Variants in NEBL observed in about 807,000 individuals in gnomAD.
NEBL encodes the protein LIM and SH3 protein 2.
A neutral mutation model predicts 140.2 loss-of-function variants in NEBL; 122 were observed. That is an observed-to-expected ratio of 0.87 (90% CI 0.75 to 1.01). The LOEUF is 1.01. Ranked by LOEUF, NEBL falls within the 50% of genes least tolerant of loss-of-function variation. The pLI is 0.00. For synonymous variants in NEBL, 436 were observed against 398.9 expected, an observed-to-expected ratio of 1.09 and a Z score of -1.11; for missense variants, 1,365 against 1,231.3, an observed-to-expected ratio of 1.11 and a Z score of -1.62.
At chr10:21,108,025 C>T (rs185300125) in intron 2 of NEBL, among the ~76,000 whole-genome samples, 3 of 152,192 alleles carry the variant, frequency 2.0e-5, no homozygotes, top group Admixed American at 2.0e-4. Flanking sequence ...TCCCCTTTAT[C>T]ATTTTTATTG....
intron 1 of NEBL, among the ~76,000 whole-genome samples, chr10:21,278,273 C>G (rs1842948903): frequency 6.6e-6 from 1 of 152,060 alleles, no homozygotes; most frequent in Non-Finnish European, 1.5e-5. Context: ...GACGCCGTCT[C>G]TACAGAATAA....
intron 2 of NEBL, among the ~76,000 whole-genome samples, chr10:21,054,504 TTTTG>T (rs1212568600): frequency 2.0e-5 from 3 of 152,186 alleles, no homozygotes; most frequent in South Asian, 2.1e-4. Flanking sequence ...GGGGAATTGT[TTTTG>T]TTTGTTTGTT....
At chr10:21,280,350 C>A (rs1588595462) in intron 1 of NEBL, among the ~76,000 whole-genome samples, 1 of 152,158 alleles carries the variant, frequency 6.6e-6, no homozygotes, top group African/African-American at 2.4e-5. Flanking sequence ...TGAGTTTATA[C>A]CACTGCCCTA....
chr10:20,987,408 G>A (rs1024107123), intron 3 of NEBL, among the ~76,000 whole-genome samples: 1 of 151,972 alleles, frequency 6.6e-6, no homozygotes, highest in Admixed American at 6.6e-5. Context: ...CATTACTCCA[G>A]CCACATCTCT....
At chr10:20,793,843 A>G (rs1304335709) in intron 26 of NEBL, among the ~76,000 whole-genome samples, 10 of 152,206 alleles carry the variant, frequency 6.6e-5, no homozygotes, top group Non-Finnish European at 1.2e-4. Context: ...GGAGTGAGCC[A>G]CTGTGTCTGG....
chr10:20,790,706 T>C (rs1393936012), intron 26 of NEBL, among the ~76,000 whole-genome samples: 79 of 151,986 alleles, frequency 5.2e-4, no homozygotes, highest in Non-Finnish European at 1.6e-4. Flanking sequence ...AGAAGAGGCA[T>C]AAACACTGCT....
intron 1 of NEBL, among the ~76,000 whole-genome samples, chr10:21,270,556 T>C (rs7100597): frequency 0.51 from 77,146 of 151,866 alleles, 22,295 homozygotes; most frequent in African/African-American, 0.79. Flanking sequence ...TTAGTAGAGA[T>C]GGGGTTTCAC....
At chr10:20,891,640 C>G (rs1056460863) in intron 2 of NEBL, among the ~76,000 whole-genome samples, 4 of 152,146 alleles carry the variant, frequency 2.6e-5, no homozygotes, top group African/African-American at 9.7e-5. Context: ...TTTACTTCTT[C>G]TGTTAGGCAG....
intron 2 of NEBL, among the ~76,000 whole-genome samples, chr10:21,126,431 T>C (rs550665687): frequency 1.3e-5 from 2 of 152,276 alleles, no homozygotes; most frequent in South Asian, 2.1e-4. Flanking sequence ...ATTCCATATT[T>C]TCAAATGCAT....
chr10:20,925,007 A>G (rs924654888), intron 4 of NEBL, among the ~76,000 whole-genome samples: 3 of 151,894 alleles, frequency 2.0e-5, no homozygotes. Flanking sequence ...GGTAAGAGTA[A>G]TCCTAGAAAA....
intron 16 of NEBL, 67 bp from the exon 17 acceptor site, chr10:20,828,701 G>T: frequency 1.9e-6 from 2 of 1,068,018 alleles, no homozygotes; most frequent in African/African-American, 1.6e-5. Context: ...AGGGAGGGAG[G>T]GAGGCAGGAA....
chr10:20,931,842 C>G (rs769123336), intron 4 of NEBL, among the ~76,000 whole-genome samples: 2 of 152,088 alleles, frequency 1.3e-5, no homozygotes, highest in African/African-American at 2.4e-5. Context: ...ACTAACCAAG[C>G]CTATTTATTT....
intron 3 of NEBL, among the ~76,000 whole-genome samples, chr10:20,982,318 T>C (rs551677842): frequency 6.1e-4 from 93 of 152,362 alleles, no homozygotes; most frequent in Middle Eastern, 3.4e-3. Flanking sequence ...CAGGCATCAG[T>C]GCTCACACAA....
chr10:20,804,918 G>T (rs1183213714), intron 26 of NEBL, among the ~76,000 whole-genome samples: 1 of 152,192 alleles, frequency 6.6e-6, no homozygotes, highest in African/African-American at 2.4e-5. Flanking sequence ...GATCAGAGCA[G>T]GAGGTGGGTG....
At chr10:20,998,831 C>T (rs1309008866) in intron 3 of NEBL, among the ~76,000 whole-genome samples, 1 of 152,182 alleles carries the variant, frequency 6.6e-6, no homozygotes, top group Admixed American at 6.5e-5. Context: ...AATTCGATCA[C>T]TTTGTTTGTC....
chr10:20,791,269 C>G (rs781577916), intron 26 of NEBL, among the ~76,000 whole-genome samples: 1 of 152,082 alleles, frequency 6.6e-6, no homozygotes, highest in Non-Finnish European at 1.5e-5. Flanking sequence ...CAATAAAGTA[C>G]TTCCACAGAT....
At chr10:20,835,647 C>T in intron 13 of NEBL, 24 bp from the exon 14 acceptor site, 1 of 1,493,206 alleles carries the variant, frequency 6.7e-7, no homozygotes, top group Non-Finnish European at 9.3e-7. Context: ...CATTTTACAA[C>T]ATTCAAACAC....
intron 3 of NEBL, among the ~76,000 whole-genome samples, chr10:20,992,126 G>A (rs1225679033): frequency 6.6e-6 from 1 of 152,142 alleles, no homozygotes; most frequent in African/African-American, 2.4e-5. Flanking sequence ...GTTTTTAAAA[G>A]TAATGAAATA....
chr10:21,235,534 C>T (rs966204382), intron 3 of NEBL, among the ~76,000 whole-genome samples: 1 of 152,096 alleles, frequency 6.6e-6, no homozygotes, highest in Non-Finnish European at 1.5e-5. Context: ...AGGCTGGTCT[C>T]GAACTCCTGG....
Sources: gnomAD v4.1 joint callset for allele counts (sites outside exome capture counted in the v4.1 genomes callset) on GRCh38, gnomAD v4.1.1 for gene constraint, MANE v1.5 for transcripts, NCBI Gene and HGNC (gene_info 2026-07-23, HGNC 2026-07-21) for gene names.